Variants in MAP2K2 observed in about 807,000 individuals in gnomAD.
MAP2K2 encodes the protein dual specificity mitogen-activated protein kinase kinase 2.
Under a neutral mutation model 43.7 loss-of-function variants are expected in MAP2K2, and 24 were observed. The observed-to-expected ratio is 0.55, with a 90% confidence interval of 0.40 to 0.77. The LOEUF is 0.77. Among genes scored for constraint, MAP2K2 ranks in the 30% least tolerant of loss-of-function variants. The pLI is 0.00. For missense variants in MAP2K2, 470 were observed against 566.8 expected, an observed-to-expected ratio of 0.83 and a Z score of 1.73; for synonymous variants, 244 against 239.7, an observed-to-expected ratio of 1.02 and a Z score of -0.17.
chr19:4,120,142 C>A (rs2041273835), intron 1 of MAP2K2, among the ~76,000 whole-genome samples: 1 of 152,224 alleles, frequency 6.6e-6, no homozygotes, highest in African/African-American at 2.4e-5. Flanking sequence ...GAGGTCAGGA[C>A]AACCCCTGCT....
chr19:4,120,206 G>A (rs982976852), intron 1 of MAP2K2, among the ~76,000 whole-genome samples: 26 of 152,228 alleles, frequency 1.7e-4, no homozygotes, highest in Non-Finnish European at 5.9e-5. Flanking sequence ...GCTCACTGAG[G>A]AGCTGCTGAA....
intron 1 of MAP2K2, among the ~76,000 whole-genome samples, 194 bp downstream of exon 1, chr19:4,123,590 C>T (rs191291824): frequency 2.9e-4 from 32 of 109,940 alleles, no homozygotes; most frequent in Non-Finnish European, 4.8e-4. Context: ...CCCCCTGCCC[C>T]GTCCTCCCCC....
At chr19:4,093,659 A>G (rs2040876120) in intron 10 of MAP2K2, among the ~76,000 whole-genome samples, 1 of 152,150 alleles carries the variant, frequency 6.6e-6, no homozygotes, top group Non-Finnish European at 1.5e-5. Flanking sequence ...ACTGCACTCC[A>G]GTCTGGGCGA....
rs150369301 is a variant in MAP2K2, at chr19:4,099,267, C to T, written c.853G>A (p.Asp285Asn). The part of the protein sequence containing the change: ...LEAIFGRPVV[D>N]GEEGEPHSIS... ...CTGTGAGGCTCTCCTTCTTCCCCGTCGACCACGGGCCGGCCAAAGATGGCC... is the reference window on the plus strand; with the variant it reads ...CTGTGAGGCTCTCCTTCTTCCCCGTTGACCACGGGCCGGCCAAAGATGGCC... The change falls in exon 7 of 11, where the codon GAC becomes AAC. Residue 285 changes from aspartate to asparagine, a missense_variant. By Grantham distance (23) the Asp-to-Asn change is conservative. Transcript: ENST00000262948. 4.5e-5 allele frequency: 73 copies of T among 1,605,734 alleles called. No homozygotes were observed. The highest frequency in any genetic ancestry group is 1.8e-4 in the East Asian group (8 of 44,560).
chr19:4,096,592 T>G (rs1018690116), intron 8 of MAP2K2, among the ~76,000 whole-genome samples: 2 of 152,224 alleles, frequency 1.3e-5, no homozygotes, highest in African/African-American at 4.8e-5. Context: ...TTATGGGGAC[T>G]GACGGAGCAG....
intron 1 of MAP2K2, among the ~76,000 whole-genome samples, chr19:4,123,466 C>G (rs2041326009): frequency 6.6e-6 from 1 of 152,052 alleles, no homozygotes; most frequent in African/African-American, 2.4e-5. Context: ...CACACCCCAT[C>G]TTTTCCACCA....
rs570978305 is a variant in MAP2K2 at position 4,097,060 on chromosome 19, G to A, written c.984+219C>T. ...AAAAAAAAAATTAGCTGGGTGTGGT[G>A]GTGCGCACCTGTAATCCCAGCTACT... is the stretch of plus-strand genomic sequence containing the variant. On this transcript the variant is annotated intron_variant, in intron 8 of 10. Coordinates refer to ENST00000262948, the MANE Select transcript of MAP2K2 (RefSeq NM_030662.4). 6.6e-5 allele frequency among the ~76,000 whole-genome samples: 10 copies of A among 151,056 alleles called. No individual in the cohort carries two copies. In the East Asian group the frequency reaches 1.9e-3, roughly 29 times the overall value.
intron 1 of MAP2K2, among the ~76,000 whole-genome samples, chr19:4,121,526 A>C: frequency 1.7e-5 from 2 of 116,570 alleles, no homozygotes; most frequent in South Asian, 3.3e-4. Flanking sequence ...GAACCCCAAC[A>C]TGAGACCCCT....
Position 4,101,549 on chromosome 19 carries a change from G to A in MAP2K2, c.529-269C>T, listed in dbSNP as rs774661759. Among the ~76,000 whole-genome samples the A allele has an allele frequency of 1.3e-5, 2 of 152,200 alleles. No homozygotes were observed. The highest frequency in any genetic ancestry group is 2.9e-5 in the Non-Finnish European group (2 of 68,038). On this transcript the variant is annotated intron_variant, in intron 4 of 10. Coordinates refer to ENST00000262948, the MANE Select transcript of MAP2K2 (RefSeq NM_030662.4). This position sits in a 1 kb window ranked among gnomAD's most constrained non-coding sequence, Gnocchi z 6.3. ...CTACTGCCTTTGATTCAGAGCACAC[G>A]GCTTAGCCCCAGGGAAGCTGAGATG...
chr19:4,096,701 TTA>T (rs2040922518), intron 8 of MAP2K2, among the ~76,000 whole-genome samples: 1 of 152,136 alleles, frequency 6.6e-6, no homozygotes, highest in South Asian at 2.1e-4. Flanking sequence ...GCGGGGTGAT[TTA>T]TGAGTCCACG....
Position 4,110,580 on chromosome 19 carries a change from A to T in MAP2K2, c.379T>A (p.Ser127Thr), listed in dbSNP as rs2145069950. 1.9e-6 allele frequency: 3 copies of T among 1,614,044 alleles called. No individual in the cohort carries two copies. Among genetic ancestry groups the T allele is most frequent in the Non-Finnish European group, 2.5e-6 (3 of 1,180,036 alleles). ...RELQVLHECN[S>T]PYIVGFYGAF... ...CCGTAGAAGCCCACGATGTACGGCGAGTTGCATTCGTGCAGGACCTGCAGC... is the reference window on the plus strand; with the variant it reads ...CCGTAGAAGCCCACGATGTACGGCGTGTTGCATTCGTGCAGGACCTGCAGC... The change falls in exon 3 of 11, where the codon TCG becomes ACG. Residue 127 changes from serine to threonine, a missense_variant. Coordinates refer to ENST00000262948, the MANE Select transcript of MAP2K2 (RefSeq NM_030662.4).
intron 2 of MAP2K2, among the ~76,000 whole-genome samples, chr19:4,114,501 A>G (rs1476394069): frequency 2.6e-5 from 4 of 152,224 alleles, no homozygotes; most frequent in Non-Finnish European, 4.4e-5. Context: ...TGCTATGAGC[A>G]TGGACAATTC....
chr19:4,110,412 G>A, intron 3 of MAP2K2, 97 bp downstream of exon 3: 1 of 1,486,052 alleles, frequency 6.7e-7, no homozygotes, highest in African/African-American at 1.4e-5. Flanking sequence ...GCGCACTGTT[G>A]CCTCTGAGGA....
chr19:4,097,292 T>C lies in MAP2K2; in HGVS notation c.971A>G (p.Tyr324Cys), dbSNP rs730880512. The C allele has an allele frequency of 4.4e-6, 7 of 1,599,346 alleles. No individual in the cohort carries two copies. Among genetic ancestry groups the C allele is most frequent in the East Asian group, 2.3e-5 (1 of 44,050 alleles). Residue 324 changes from tyrosine to cysteine, a missense_variant, in exon 8 of 11, where the codon TAT (tyrosine) becomes TGT (cysteine). By Grantham distance (194) the Tyr-to-Cys change is radical. This residue lies in a region of MAP2K2 where 212 missense variants were observed against 220.8 expected (regional missense o/e 0.96). Transcript: ENST00000262948. ...TCAAGCACAAACCTCGTTCACAATA[T>C]AGTCCAGGAGTTCAAAGATGGCCAT... ...PAMAIFELLD[Y>C]IVNEPPPKLP... is the part of the protein sequence containing the mutation.
rs1270733297 is a variant in MAP2K2, at chr19:4,123,673, A to AC, written c.92+110dup. 3.5e-5 allele frequency: 7 copies of AC among 199,218 alleles called. No homozygotes were observed. The Middle Eastern group carries it at 3.2e-3, about 90-fold the overall frequency. The allele number at this position is 199,218 out of a possible 1,614,324, so 12.3% of individuals were successfully genotyped here. Reference sequence around the variant, plus strand: ...ACCACTCACCCCGTCCTCCCCCGTGACCCCCCTGCCTCGTGCACTCCTCGC... The same window carrying AC: ...ACCACTCACCCCGTCCTCCCCCGTGACCCCCCCTGCCTCGTGCACTCCTCGC... On this transcript the variant is annotated intron_variant, in intron 1 of 10. Coordinates refer to ENST00000262948, the MANE Select transcript of MAP2K2 (RefSeq NM_030662.4).
intron 8 of MAP2K2, among the ~76,000 whole-genome samples, chr19:4,095,836 G>A (rs372622691): frequency 1.3e-5 from 2 of 152,196 alleles, no homozygotes; most frequent in African/African-American, 2.4e-5. Context: ...GTGCAATGGC[G>A]TGATCTTGGC....
At chr19:4,105,613 C>T (rs923424942) in intron 3 of MAP2K2, among the ~76,000 whole-genome samples, 3 of 152,190 alleles carry the variant, frequency 2.0e-5, no homozygotes, top group Middle Eastern at 3.4e-3. Context: ...GGATAAATAA[C>T]CTGGACGCCG....
At chr19:4,103,754 C>T (rs1406184127) in intron 3 of MAP2K2, among the ~76,000 whole-genome samples, 1 of 152,206 alleles carries the variant, frequency 6.6e-6, no homozygotes, top group African/African-American at 2.4e-5. Context: ...TCTAGAAAAC[C>T]CAACACGCTT....
At chr19:4,119,944 A>G (rs1365933548) in intron 1 of MAP2K2, among the ~76,000 whole-genome samples, 1 of 152,286 alleles carries the variant, frequency 6.6e-6, no homozygotes, top group Non-Finnish European at 1.5e-5. Flanking sequence ...CACACAGGCC[A>G]GAACCGAGGC....
Sources: gnomAD v4.1 joint callset for allele counts (sites outside exome capture counted in the v4.1 genomes callset) on GRCh38, gnomAD v4.1.1 for gene constraint, gnomAD v4.1.1 regional missense constraint, Gnocchi (gnomAD v3.1) non-coding constraint, MANE v1.5 for transcripts, NCBI Gene and HGNC (gene_info 2026-07-23, HGNC 2026-07-21) for gene names.